Variants in FNIP1 observed in about 807,000 individuals in gnomAD.
FNIP1 encodes folliculin-interacting protein 1.
Under a neutral mutation model 124.5 loss-of-function variants are expected in FNIP1, and 40 were observed. The ratio of observed to expected loss-of-function variants is 0.32; its 90% CI spans 0.25 to 0.42. FNIP1 has a LOEUF of 0.42. FNIP1 is among the 10% of genes least tolerant of loss of function. The pLI is 1.00. For synonymous variants in FNIP1, 472 were observed against 470.6 expected, an observed-to-expected ratio of 1.00 and a Z score of -0.04; for missense variants, 1,176 against 1,403.7, an observed-to-expected ratio of 0.84 and a Z score of 2.59.
intron 1 of FNIP1, among the ~76,000 whole-genome samples, chr5:131,774,269 C>T (rs1376015980): frequency 1.3e-5 from 2 of 152,182 alleles, no homozygotes; most frequent in Non-Finnish European, 2.9e-5. Context: ...CTCAATCCAT[C>T]CTCCCATCTT....
At chr5:131,736,945 G>A (rs1377532847) in intron 2 of FNIP1, among the ~76,000 whole-genome samples, 1 of 152,058 alleles carries the variant, frequency 6.6e-6, no homozygotes, top group African/African-American at 2.4e-5. Flanking sequence ...TCTTTGTATT[G>A]AACTTGCAAC....
chr5:131,648,699 G>C, intron 16 of FNIP1, among the ~76,000 whole-genome samples: 1 of 152,016 alleles, frequency 6.6e-6, no homozygotes, highest in South Asian at 2.1e-4. Context: ...AAGAGCATTC[G>C]ATGTTGTGCA....
chr5:131,707,638 C>T (rs1769158608), intron 8 of FNIP1, among the ~76,000 whole-genome samples: 1 of 152,086 alleles, frequency 6.6e-6, no homozygotes, highest in South Asian at 2.1e-4. Flanking sequence ...GTATTATAAA[C>T]TCTTGTAGTC....
chr5:131,659,250 G>A (rs1282337703), intron 15 of FNIP1, among the ~76,000 whole-genome samples: 2 of 152,186 alleles, frequency 1.3e-5, no homozygotes, highest in African/African-American at 2.4e-5. Flanking sequence ...AGGTCTTTGC[G>A]GATGTCCATG....
chr5:131,763,160 A>G (rs1484762909), intron 1 of FNIP1, among the ~76,000 whole-genome samples: 1 of 152,210 alleles, frequency 6.6e-6, no homozygotes, highest in Non-Finnish European at 1.5e-5. Flanking sequence ...AATAACTAAA[A>G]GTATAATTGG....
At chr5:131,710,386 A>C (rs574840056) in intron 7 of FNIP1, among the ~76,000 whole-genome samples, 192 bp downstream of exon 7, 1 of 152,358 alleles carries the variant, frequency 6.6e-6, no homozygotes, top group South Asian at 2.1e-4. Flanking sequence ...TTCTACTGAT[A>C]ATCCGGTGTC....
chr5:131,740,437 T>C (rs955332707), intron 2 of FNIP1, among the ~76,000 whole-genome samples: 1 of 152,224 alleles, frequency 6.6e-6, no homozygotes, highest in Non-Finnish European at 1.5e-5. Flanking sequence ...GTTATGTGAA[T>C]TTACTGATGT....
In FNIP1 at chr5:131,709,253, G is replaced by A. The variant is rs982456764; in HGVS notation, c.726C>T (p.Asp242=). ...SFFAVHSNPM[D]MPGRELNEDR... The stretch of plus-strand genomic sequence containing the variant: ...CCTCATTGAGCTCTCTTCCAGGCAT[G>A]TCCATTGGGTTGCTGTGAACTATAA... Residue 242 remains aspartate (D), a synonymous_variant, in exon 8 of 18, where the codon GAC becomes GAT. Coordinates refer to ENST00000510461, the MANE Select transcript of FNIP1 (RefSeq NM_133372.3). 4.3e-6 allele frequency: 7 copies of A among 1,613,986 alleles called. No homozygotes were observed. Among genetic ancestry groups the A allele is most frequent in the Non-Finnish European group, 5.9e-6 (7 of 1,179,892 alleles).
chr5:131,758,337 G>A (rs1280914171), intron 1 of FNIP1, among the ~76,000 whole-genome samples: 1 of 152,090 alleles, frequency 6.6e-6, no homozygotes, highest in Non-Finnish European at 1.5e-5. Flanking sequence ...TGTCTTCACT[G>A]GTATTTGCTT....
intron 11 of FNIP1, among the ~76,000 whole-genome samples, chr5:131,690,648 T>C (rs549706884): frequency 2.0e-5 from 3 of 152,186 alleles, no homozygotes; most frequent in Non-Finnish European, 4.4e-5. Flanking sequence ...CAATTAAACC[T>C]CTTCCCATTA....
chr5:131,758,004 C>T (rs1281303175), intron 1 of FNIP1, among the ~76,000 whole-genome samples: 1 of 152,080 alleles, frequency 6.6e-6, no homozygotes, highest in Non-Finnish European at 1.5e-5. Flanking sequence ...TGAAGTGTTA[C>T]TAATAAAGTT....
rs535396790 is a variant in FNIP1, at chr5:131,687,671, T to G, written c.1203-8496A>C. On this transcript the variant is annotated intron_variant, in intron 11 of 17. Coordinates refer to ENST00000510461, the MANE Select transcript of FNIP1 (RefSeq NM_133372.3). Reference sequence around the variant, plus strand: ...TGAAAAAATGGGTAAATACAGAGAATGACAACTGAGATCAAGTTACCTGAA... The same window carrying G: ...TGAAAAAATGGGTAAATACAGAGAAGGACAACTGAGATCAAGTTACCTGAA... Among the ~76,000 whole-genome samples the G allele has an allele frequency of 3.9e-5, 6 of 152,264 alleles. No homozygotes were observed. In the South Asian group the frequency reaches 1.2e-3, roughly 32 times the overall value.
intron 1 of FNIP1, among the ~76,000 whole-genome samples, chr5:131,762,898 T>C (rs1286884797): frequency 6.6e-6 from 1 of 152,144 alleles, no homozygotes; most frequent in Non-Finnish European, 1.5e-5. Context: ...GAGGTCATTA[T>C]GGTGAAATAA....
intron 5 of FNIP1, among the ~76,000 whole-genome samples, chr5:131,717,400 G>C (rs561420596): frequency 3.3e-5 from 5 of 152,092 alleles, no homozygotes; most frequent in African/African-American, 9.7e-5. Flanking sequence ...TTGGACATTT[G>C]GGTTGGTTCC....
intron 15 of FNIP1, among the ~76,000 whole-genome samples, chr5:131,652,770 T>C (rs1767078793): frequency 6.6e-6 from 1 of 152,102 alleles, no homozygotes. Context: ...GAGACTAGCC[T>C]GAGCAACATA....
rs974545482 is a variant in FNIP1 at position 131,642,901 on chromosome 5, C to A, written c.*1784G>T. The A allele has an allele frequency of 4.0e-5, 6 of 150,388 alleles. No homozygotes were observed. Among genetic ancestry groups the A allele is most frequent in the Non-Finnish European group, 5.9e-5 (4 of 67,724 alleles). 9.3% of individuals were successfully genotyped at this position (150,388 alleles called of 1,614,324 possible). ...AAAAAAAAAAAAAAAGGTACAATGG[C>A]CCGCAAATGTATGAACTTTTTAATA... On this transcript the variant is annotated 3_prime_UTR_variant, in exon 18 of 18. Coordinates refer to ENST00000510461, the MANE Select transcript of FNIP1 (RefSeq NM_133372.3).
chr5:131,692,007 G>C (rs1768496377), intron 11 of FNIP1, among the ~76,000 whole-genome samples: 1 of 151,924 alleles, frequency 6.6e-6, no homozygotes, highest in African/African-American at 2.4e-5. Flanking sequence ...GGAAGTTATA[G>C]CTAGGGCTGT....
chr5:131,671,223 G>C (rs888943105), intron 14 of FNIP1, among the ~76,000 whole-genome samples: 1 of 152,074 alleles, frequency 6.6e-6, no homozygotes. Flanking sequence ...ATGTCCTTTG[G>C]GGGGCATAAG....
intron 16 of FNIP1, among the ~76,000 whole-genome samples, chr5:131,649,127 TATA>T: frequency 6.6e-6 from 1 of 152,336 alleles, no homozygotes; most frequent in South Asian, 2.1e-4. Flanking sequence ...AACAAGAGTA[TATA>T]CTGCCTGAAT....
Sources: gnomAD v4.1 joint callset for allele counts (sites outside exome capture counted in the v4.1 genomes callset) on GRCh38, gnomAD v4.1.1 for gene constraint, MANE v1.5 for transcripts, NCBI Gene and HGNC (gene_info 2026-07-23, HGNC 2026-07-21) for gene names.